Variants in WNT7A observed in about 807,000 individuals in gnomAD.
WNT7A encodes protein Wnt-7a.
Under a neutral mutation model 28.2 loss-of-function variants are expected in WNT7A, and 16 were observed. That is an observed-to-expected ratio of 0.57 (90% CI 0.38 to 0.86). WNT7A has a LOEUF of 0.86. Ranked by LOEUF, WNT7A falls within the 40% of genes least tolerant of loss-of-function variation. The probability of loss-of-function intolerance (pLI) is 0.00; values close to 1 mark genes in which losing one functional copy is unlikely to be tolerated. For missense variants in WNT7A, 411 were observed against 489.7 expected, an observed-to-expected ratio of 0.84 and a Z score of 1.52; for synonymous variants, 190 against 195.9, an observed-to-expected ratio of 0.97 and a Z score of 0.25.
At chr3:13,857,679 G>A (rs1465036915) in intron 2 of WNT7A, among the ~76,000 whole-genome samples, 1 of 151,836 alleles carries the variant, frequency 6.6e-6, no homozygotes, top group South Asian at 2.1e-4. Context: ...CCAACCCCAG[G>A]CACCAGCTCA....
At chr3:13,875,899 C>A (rs566652602) in intron 1 of WNT7A, 1 of 153,004 alleles carries the variant, frequency 6.5e-6, no homozygotes, top group Non-Finnish European at 1.5e-5. Flanking sequence ...TCATGTGCCA[C>A]GTACCATGCT....
intron 3 of WNT7A, among the ~76,000 whole-genome samples, chr3:13,844,990 C>T (rs905970559): frequency 2.6e-5 from 4 of 152,200 alleles, no homozygotes; most frequent in East Asian, 1.9e-4. Flanking sequence ...CAATTGTCCC[C>T]GGTGTGCGTC....
At chr3:13,824,490 CA>C (rs1694162827) in intron 3 of WNT7A, among the ~76,000 whole-genome samples, 1 of 152,194 alleles carries the variant, frequency 6.6e-6, no homozygotes, top group Admixed American at 6.5e-5. Context: ...ACATTTTATC[CA>C]CGCATCCATC....
rs1268131589 is a variant in WNT7A at position 13,868,606 on chromosome 3, GA to G, written c.298+6340del. Among the ~76,000 whole-genome samples, 15 of 17,864 alleles carry G rather than the reference GA, an allele frequency of 8.4e-4. 3 individuals carry two copies. The highest frequency in any genetic ancestry group is 4.5e-3 in the Admixed American group (9 of 2,002). 11.7% of individuals were successfully genotyped at this position (17,864 alleles called of 152,430 possible). On this transcript the variant is annotated intron_variant, in intron 2 of 3. Coordinates refer to ENST00000285018, the MANE Select transcript of WNT7A (RefSeq NM_004625.4). ...AGAGAGAGAGGGAGAAAGAAAGAAA[GA>G]AAGAGAGAGAGAGAGAAAGAAAGAA...
At chr3:13,875,612 C>T (rs1695099032) in intron 1 of WNT7A, among the ~76,000 whole-genome samples, 1 of 152,068 alleles carries the variant, frequency 6.6e-6, no homozygotes, top group East Asian at 1.9e-4. Context: ...TTTCATGCAG[C>T]AGGTGCCTTT....
intron 3 of WNT7A, among the ~76,000 whole-genome samples, chr3:13,844,362 C>T (rs77362318): frequency 0.033 from 5,029 of 152,332 alleles, 128 homozygotes; most frequent in Middle Eastern, 0.078. Flanking sequence ...TTGAGAGGGG[C>T]ACACAGTGCC....
At chr3:13,858,836 C>T (rs1239193145) in intron 2 of WNT7A, among the ~76,000 whole-genome samples, 1 of 152,144 alleles carries the variant, frequency 6.6e-6, no homozygotes, top group East Asian at 1.9e-4. Context: ...TGACGTTGGC[C>T]TTACCTGCCC....
intron 3 of WNT7A, among the ~76,000 whole-genome samples, chr3:13,823,744 C>A (rs1694146851): frequency 6.6e-6 from 1 of 152,218 alleles, no homozygotes; most frequent in Non-Finnish European, 1.5e-5. Flanking sequence ...GGAAGTAAAT[C>A]TGTGAATCTG....
intron 2 of WNT7A, among the ~76,000 whole-genome samples, chr3:13,860,824 G>C (rs986238833): frequency 6.6e-6 from 1 of 152,210 alleles, no homozygotes; most frequent in Non-Finnish European, 1.5e-5. Flanking sequence ...TTTATCTTAG[G>C]AGACACCTGC....
Position 13,854,883 on chromosome 3 carries a change from G to T in WNT7A, c.299-80C>A. 4 of 1,570,954 alleles carry T rather than the reference G, an allele frequency of 2.5e-6. No individual in the cohort carries two copies. The East Asian group carries it at 9.0e-5, about 35-fold the overall frequency. On this transcript the variant is annotated intron_variant, in intron 2 of 3. Transcript: ENST00000285018. ...AGGAGGCTGGGCCTGACTGAAGAGT[G>T]AGGCTGAGCTCAATGCAATGGCTCT...
At chr3:13,849,344 G>C (rs147197297) in intron 3 of WNT7A, among the ~76,000 whole-genome samples, 1 of 152,126 alleles carries the variant, frequency 6.6e-6, no homozygotes, top group East Asian at 1.9e-4. Flanking sequence ...TGAGATACAT[G>C]GCGAATCATT....
intron 3 of WNT7A, among the ~76,000 whole-genome samples, chr3:13,845,292 C>A (rs1694521535): frequency 6.6e-6 from 1 of 152,188 alleles, no homozygotes; most frequent in Non-Finnish European, 1.5e-5. Flanking sequence ...TACTCCGTGC[C>A]CGCCACTCTA....
chr3:13,868,950 GAA>G (rs1187739875), intron 2 of WNT7A, among the ~76,000 whole-genome samples: 1 of 145,660 alleles, frequency 6.9e-6, no homozygotes, highest in African/African-American at 2.6e-5. Flanking sequence ...AAAAGAGAGA[GAA>G]TGGAAGGAAG....
At chr3:13,832,355 C>T (rs1463764312) in intron 3 of WNT7A, among the ~76,000 whole-genome samples, 1 of 151,356 alleles carries the variant, frequency 6.6e-6, no homozygotes, top group East Asian at 2.0e-4. Context: ...CCTTCTGCTC[C>T]TCATCCTCCA....
chr3:13,856,891 AAAAAG>A (rs1219779284), intron 2 of WNT7A, among the ~76,000 whole-genome samples: 1 of 70,052 alleles, frequency 1.4e-5, no homozygotes. Flanking sequence ...GAAGAAGAAG[AAAAAG>A]AAGAAGAAGA....
At chr3:13,842,700 C>T (rs1278938314) in intron 3 of WNT7A, among the ~76,000 whole-genome samples, 1 of 152,216 alleles carries the variant, frequency 6.6e-6, no homozygotes, top group African/African-American at 2.4e-5. Context: ...ATGCTATTTA[C>T]TGAACCAGGG....
At chr3:13,870,737 G>T (rs1262985815) in intron 2 of WNT7A, among the ~76,000 whole-genome samples, 1 of 152,236 alleles carries the variant, frequency 6.6e-6, no homozygotes, top group Non-Finnish European at 1.5e-5. Flanking sequence ...AATCTGGAAG[G>T]TGTGGCACTG....
chr3:13,874,470 C>T (rs1287278930), intron 2 of WNT7A, among the ~76,000 whole-genome samples: 3 of 152,108 alleles, frequency 2.0e-5, no homozygotes, highest in South Asian at 4.2e-4. Context: ...GGACGGGCAG[C>T]AGTAGGGAGT....
chr3:13,865,795 C>G (rs1208018933), intron 2 of WNT7A, among the ~76,000 whole-genome samples: 1 of 152,178 alleles, frequency 6.6e-6, no homozygotes, highest in African/African-American at 2.4e-5. Flanking sequence ...GTGCCAGGCC[C>G]CAGGACACAT....
Sources: gnomAD v4.1 joint callset for allele counts (sites outside exome capture counted in the v4.1 genomes callset) on GRCh38, gnomAD v4.1.1 for gene constraint, MANE v1.5 for transcripts, NCBI Gene and HGNC (gene_info 2026-07-23, HGNC 2026-07-21) for gene names.